Variants in SLC6A6 observed in about 807,000 individuals in gnomAD.
The protein encoded by SLC6A6 is solute carrier family 6 member 6.
Under a neutral mutation model 68.8 loss-of-function variants are expected in SLC6A6, and 16 were observed. The ratio of observed to expected loss-of-function variants is 0.23; its 90% CI spans 0.16 to 0.35. SLC6A6 has a LOEUF of 0.35. Ranked by LOEUF, SLC6A6 falls within the 10% of genes least tolerant of loss-of-function variation. The probability of loss-of-function intolerance (pLI) is 1.00; values close to 1 mark genes in which losing one functional copy is unlikely to be tolerated. For synonymous variants in SLC6A6, 312 were observed against 315.4 expected, an observed-to-expected ratio of 0.99 and a Z score of 0.12; for missense variants, 474 against 802.8, an observed-to-expected ratio of 0.59 and a Z score of 4.95.
chr3:14,430,779 C>T (rs1241974758), intron 2 of SLC6A6, among the ~76,000 whole-genome samples: 1 of 152,240 alleles, frequency 6.6e-6, no homozygotes, highest in East Asian at 1.9e-4. Flanking sequence ...ATGTCCCGCC[C>T]CTCCACCACA....
chr3:14,464,631 C>T (rs1274317439), intron 6 of SLC6A6, among the ~76,000 whole-genome samples: 3 of 152,282 alleles, frequency 2.0e-5, no homozygotes, highest in African/African-American at 7.2e-5. Context: ...TTTGCTCTGT[C>T]GAGGGTCGTG....
intron 6 of SLC6A6, among the ~76,000 whole-genome samples, chr3:14,464,952 A>G (rs1048539117): frequency 6.6e-6 from 1 of 152,204 alleles, no homozygotes; most frequent in African/African-American, 2.4e-5. Flanking sequence ...AGCCCTCCAC[A>G]GGCTCTGGGT....
chr3:14,413,381 C>T (rs575626640), intron 1 of SLC6A6, among the ~76,000 whole-genome samples: 45 of 152,354 alleles, frequency 3.0e-4, no homozygotes, highest in African/African-American at 9.6e-4. Context: ...TCTCCGTAAT[C>T]GCCGTCTGCT....
At chr3:14,441,701 C>T (rs186403771) in intron 2 of SLC6A6, among the ~76,000 whole-genome samples, 101 of 152,340 alleles carry the variant, frequency 6.6e-4, no homozygotes, top group African/African-American at 2.3e-3. Context: ...CCCCTCTCCA[C>T]ACCCCAAGTC....
Position 14,477,896 on chromosome 3 carries a change from G to A in SLC6A6, c.1347+554G>A, listed in dbSNP as rs1300504343. ...GCAAAGAGCAGAAGGGAACGGGAAC[G>A]TCTAAGACGTGTCTAGCAAGAGGCA... On this transcript the variant is annotated intron_variant, in intron 11 of 14. Coordinates refer to ENST00000622186, the MANE Select transcript of SLC6A6 (RefSeq NM_003043.6). This position sits in a 1 kb window ranked among gnomAD's most constrained non-coding sequence, Gnocchi z 4.2. Among the ~76,000 whole-genome samples, 1 of 152,134 alleles carries A rather than the reference G, an allele frequency of 6.6e-6. No individual in the cohort carries two copies. Among genetic ancestry groups the A allele is most frequent in the African/African-American group, 2.4e-5 (1 of 41,424 alleles).
At chr3:14,413,314 G>A (rs1699291558) in intron 1 of SLC6A6, among the ~76,000 whole-genome samples, 1 of 152,232 alleles carries the variant, frequency 6.6e-6, no homozygotes, top group Non-Finnish European at 1.5e-5. Context: ...CACAGGAGCT[G>A]GGACCTGCTG....
chr3:14,466,782 C>A, intron 7 of SLC6A6, 132 bp downstream of exon 7: 1 of 777,604 alleles, frequency 1.3e-6, no homozygotes, highest in Non-Finnish European at 1.9e-6. Context: ...GCTGGGCCAC[C>A]GCCCCCTGGT....
rs34547966 is a variant in SLC6A6 at position 14,403,077 on chromosome 3, AGTGTGTGTGTGTGTGTGTGTGTGT to A, written c.-54+254_-54+277del. 6.3e-5 allele frequency among the ~76,000 whole-genome samples: 9 copies of A among 143,428 alleles called. No individual in the cohort carries two copies. The East Asian group carries it at 1.1e-3, about 17-fold the overall frequency. The allele number at this position is 143,428 out of a possible 152,430, so 94.1% of individuals were successfully genotyped here. A position where few individuals can be genotyped will look rare whatever the true frequency, so the allele number is the denominator to read the frequency against. ...CGGCTCTTGGTGCGGGCGGCAGGAG[AGTGTGTGTGTGTGTGTGTGTGTGT>A]GTGTGTGTGTGTGTGTGTGTGTGGC... On this transcript the variant is annotated intron_variant, in intron 1 of 14. Transcript: ENST00000622186.
chr3:14,479,234 C>A, intron 13 of SLC6A6, 49 bp downstream of exon 13: 1 of 1,149,932 alleles, frequency 8.7e-7, no homozygotes, highest in Non-Finnish European at 1.3e-6. Context: ...CTCCCTGGGG[C>A]TTGACATTTT....
intron 1 of SLC6A6, among the ~76,000 whole-genome samples, chr3:14,412,640 G>T (rs1346971547): frequency 1.3e-5 from 2 of 152,226 alleles, no homozygotes; most frequent in African/African-American, 4.8e-5. Flanking sequence ...CAGCCTGGGT[G>T]ACAACAGTGA....
In SLC6A6 at chr3:14,484,864, C is replaced by T. The variant is rs1343495088; in HGVS notation, c.1723-3C>T. 1 of 1,611,698 alleles carries T rather than the reference C, an allele frequency of 6.2e-7. No homozygotes were observed. Among genetic ancestry groups the T allele is most frequent in the Non-Finnish European group, 8.5e-7 (1 of 1,179,850 alleles). On this transcript the variant is annotated splice_region_variant and splice_polypyrimidine_tract_variant and intron_variant, in intron 14 of 14. Coordinates refer to ENST00000622186, the MANE Select transcript of SLC6A6 (RefSeq NM_003043.6). ...CCCCCTCACTCCTGTCATCCTTCTC[C>T]AGAGAGTCAAGTACCTGCTGACCCC...
intron 14 of SLC6A6, among the ~76,000 whole-genome samples, chr3:14,483,516 C>T (rs778455847): frequency 7.2e-5 from 11 of 152,132 alleles, no homozygotes; most frequent in Admixed American, 3.3e-4. Flanking sequence ...CCAGGCACAG[C>T]CCATTGTATG....
At chr3:14,452,024 G>T (rs1295634792) in intron 5 of SLC6A6, among the ~76,000 whole-genome samples, 4 of 152,188 alleles carry the variant, frequency 2.6e-5, no homozygotes, top group African/African-American at 9.7e-5. Flanking sequence ...GGTGCTGCTG[G>T]CAGGTGCTCA....
intron 2 of SLC6A6, among the ~76,000 whole-genome samples, chr3:14,423,311 C>T (rs1346483660): frequency 1.3e-5 from 2 of 152,218 alleles, no homozygotes; most frequent in African/African-American, 4.8e-5. Flanking sequence ...TGTGATCTCA[C>T]ACCTGGGATG....
intron 1 of SLC6A6, among the ~76,000 whole-genome samples, chr3:14,406,268 C>T (rs1699106011): frequency 6.6e-6 from 1 of 152,180 alleles, no homozygotes; most frequent in Non-Finnish European, 1.5e-5. Flanking sequence ...TCGCCTCAGC[C>T]TCCCAAGTGT....
intron 5 of SLC6A6, chr3:14,448,128 T>C: frequency 9.7e-7 from 1 of 1,027,864 alleles, no homozygotes; most frequent in Middle Eastern, 3.8e-4. Flanking sequence ...TGTCTAAAAA[T>C]GATACAGTTT....
intron 12 of SLC6A6, 156 bp from the exon 13 acceptor site, chr3:14,478,929 G>A (rs898255450): frequency 6.5e-6 from 4 of 616,500 alleles, no homozygotes; most frequent in Middle Eastern, 8.8e-4. Context: ...AGTTATATTT[G>A]AATTTCATGT....
At chr3:14,410,332 A>G (rs765426171) in intron 1 of SLC6A6, among the ~76,000 whole-genome samples, 7 of 152,164 alleles carry the variant, frequency 4.6e-5, no homozygotes, top group Non-Finnish European at 5.9e-5. Flanking sequence ...ACCTTCGGTG[A>G]TATTGTTCAT....
chr3:14,466,608 G>A lies in SLC6A6; in HGVS notation c.825G>A (p.Lys275=). 1.2e-6 allele frequency: 2 copies of A among 1,612,764 alleles called. No homozygotes were observed. The highest frequency in any genetic ancestry group is 1.7e-6 in the Non-Finnish European group (2 of 1,179,162). Residue 275 remains lysine, a synonymous_variant, in exon 7 of 15, where the codon AAG becomes AAA. Transcript: ENST00000622186. The stretch of plus-strand genomic sequence containing the variant: ...TGCCGGGCGCGGGCGCAGGCATCAA[G>A]TTCTATCTGTATCCTGACATCACCC... ...LTLPGAGAGI[K]FYLYPDITRL...
Sources: allele counts gnomAD v4.1 joint callset (sites outside exome capture counted in the v4.1 genomes callset), GRCh38; gene constraint gnomAD v4.1.1; non-coding constraint Gnocchi (gnomAD v3.1); transcripts MANE v1.5; gene names NCBI Gene and HGNC (gene_info 2026-07-23, HGNC 2026-07-21).